Variants in CACNA2D3 observed in about 807,000 individuals in gnomAD.
CACNA2D3 encodes the protein calcium voltage-gated channel auxiliary subunit alpha2delta 3.
In CACNA2D3, 60 loss-of-function variants were observed where a neutral mutation model predicts 160.6. That is an observed-to-expected ratio of 0.37 (90% CI 0.30 to 0.46). The LOEUF (loss-of-function observed/expected upper bound fraction) is 0.46. Among genes scored for constraint, CACNA2D3 ranks in the 20% least tolerant of loss-of-function variants. CACNA2D3 has a pLI of 1.00. For missense variants in CACNA2D3, 1,205 were observed against 1,365.0 expected (o/e 0.88, Z 1.85); for synonymous variants, 558 against 492.9 (o/e 1.13, Z -1.75).
At chr3:54,892,239 G>A (rs970940255) in intron 25 of CACNA2D3, among the ~76,000 whole-genome samples, 11 of 151,968 alleles carry the variant, frequency 7.2e-5, no homozygotes, top group African/African-American at 2.7e-4. Flanking sequence ...AGAGTGGTTT[G>A]CAAGTGTGTG....
At chr3:54,614,362 A>G (rs947579705) in intron 9 of CACNA2D3, among the ~76,000 whole-genome samples, 1 of 152,152 alleles carries the variant, frequency 6.6e-6, no homozygotes, top group Admixed American at 6.5e-5. Context: ...TATTTCATCA[A>G]ATTGTTCTAA....
At chr3:54,431,509 G>A (rs1007879090) in intron 4 of CACNA2D3, among the ~76,000 whole-genome samples, 8 of 152,138 alleles carry the variant, frequency 5.3e-5, no homozygotes, top group African/African-American at 1.9e-4. Flanking sequence ...GGCAGAGGTG[G>A]AAGAAAATCC....
At chr3:54,265,112 G>A (rs1377310538) in intron 2 of CACNA2D3, among the ~76,000 whole-genome samples, 1 of 152,176 alleles carries the variant, frequency 6.6e-6, no homozygotes, top group Admixed American at 6.5e-5. Flanking sequence ...CAATGGGATT[G>A]CTGGGTCAAA....
At chr3:55,005,648 C>T (rs892674705) in intron 32 of CACNA2D3, among the ~76,000 whole-genome samples, 1 of 152,090 alleles carries the variant, frequency 6.6e-6, no homozygotes, top group African/African-American at 2.4e-5. Flanking sequence ...AGCTATTGTA[C>T]CATTAGAAAC....
At chr3:54,652,431 A>G (rs540254722) in intron 11 of CACNA2D3, among the ~76,000 whole-genome samples, 2 of 152,332 alleles carry the variant, frequency 1.3e-5, no homozygotes, top group East Asian at 3.9e-4. Flanking sequence ...TCATTTAATC[A>G]TAAGTCTTCT....
At chr3:54,360,536 C>T (rs929127101) in intron 3 of CACNA2D3, among the ~76,000 whole-genome samples, 2 of 152,092 alleles carry the variant, frequency 1.3e-5, no homozygotes, top group African/African-American at 4.8e-5. Flanking sequence ...TATCGAGAGG[C>T]CACCTTGTCC....
chr3:54,490,711 G>C (rs1701095680), intron 4 of CACNA2D3, among the ~76,000 whole-genome samples: 1 of 152,198 alleles, frequency 6.6e-6, no homozygotes, highest in Non-Finnish European at 1.5e-5. Flanking sequence ...GTGGCTACCT[G>C]TCCTTTGAGG....
intron 2 of CACNA2D3, among the ~76,000 whole-genome samples, chr3:54,311,492 C>T (rs1703742395): frequency 6.6e-6 from 1 of 152,184 alleles, no homozygotes; most frequent in African/African-American, 2.4e-5. Context: ...ATTTTACATC[C>T]CGTGATCCTC....
intron 11 of CACNA2D3, among the ~76,000 whole-genome samples, chr3:54,663,537 G>T (rs953449069): frequency 6.6e-6 from 1 of 152,194 alleles, no homozygotes; most frequent in Non-Finnish European, 1.5e-5. Context: ...GTCTGGAATT[G>T]ATCCCAGATA....
At chr3:54,419,001 A>C (rs1429931898) in intron 4 of CACNA2D3, among the ~76,000 whole-genome samples, 1 of 152,364 alleles carries the variant, frequency 6.6e-6, no homozygotes, top group South Asian at 2.1e-4. Context: ...TCTGGCACTC[A>C]GTAACTATTT....
At chr3:54,974,966 G>C (rs1163313223) in intron 29 of CACNA2D3, among the ~76,000 whole-genome samples, 1 of 152,154 alleles carries the variant, frequency 6.6e-6, no homozygotes, top group Non-Finnish European at 1.5e-5. Context: ...ATATGGAGAA[G>C]GGAATTGAAT....
chr3:54,896,703 A>G (rs1700197697), intron 25 of CACNA2D3, 46 bp from the exon 26 acceptor site: 2 of 1,613,356 alleles, frequency 1.2e-6, no homozygotes, highest in Non-Finnish European at 8.5e-7. Context: ...GCCCACCTTT[A>G]CTCTGCTGAG....
At chr3:54,905,639 C>T (rs1028440276) in intron 27 of CACNA2D3, among the ~76,000 whole-genome samples, 19 of 152,108 alleles carry the variant, frequency 1.2e-4, no homozygotes, top group Admixed American at 3.9e-4. Flanking sequence ...CACCAGGGGA[C>T]ATTTGGCACC....
chr3:55,062,083 C>CT (rs1204770360), intron 35 of CACNA2D3, among the ~76,000 whole-genome samples: 1 of 152,086 alleles, frequency 6.6e-6, no homozygotes, highest in African/African-American at 2.4e-5. Context: ...TGCCAAAGAG[C>CT]TTGTGCTACT....
intron 2 of CACNA2D3, among the ~76,000 whole-genome samples, chr3:54,198,627 G>C (rs1386855658): frequency 1.3e-5 from 2 of 152,250 alleles, no homozygotes; most frequent in African/African-American, 4.8e-5. Flanking sequence ...AGCCTCGTGT[G>C]GAATTGTTTA....
At position 54,687,140 on chromosome 3, in the gene CACNA2D3, T is replaced by TTTTTTTG. The variant is rs1700475186; in HGVS notation, c.1167+44905_1167+44906insGTTTTTT. The stretch of plus-strand genomic sequence containing the variant: ...CTTTTTCTTTTTTTTTTTTTGTTTT[T>TTTTTTTG]TTTTTTTTTTGTTTTTTTGACACTG... On this transcript the variant is annotated intron_variant, in intron 11 of 37. Coordinates refer to ENST00000474759, the MANE Select transcript of CACNA2D3 (RefSeq NM_018398.3). Among the ~76,000 whole-genome samples the TTTTTTTG allele has an allele frequency of 1.4e-4, 10 of 69,666 alleles. 2 individuals carry two copies. Among genetic ancestry groups the TTTTTTTG allele is most frequent in the Admixed American group, 7.0e-4 (6 of 8,614 alleles). The allele number at this position is 69,666 out of a possible 152,430, so 45.7% of individuals were successfully genotyped here. A position where few individuals can be genotyped will look rare whatever the true frequency, so the allele number is the denominator to read the frequency against.
intron 11 of CACNA2D3, among the ~76,000 whole-genome samples, chr3:54,719,883 T>G (rs1241056647): frequency 6.6e-6 from 1 of 152,060 alleles, no homozygotes; most frequent in Non-Finnish European, 1.5e-5. Context: ...AGTTGTGCTT[T>G]TTGAGGAATG....
rs141279003 is a variant in CACNA2D3, at chr3:54,732,887, C to G, written c.1168-19712C>G. Among the ~76,000 whole-genome samples the G allele has an allele frequency of 3.2e-3, 485 of 152,318 alleles. 2 individuals are homozygous for G. Among genetic ancestry groups the G allele is most frequent in the African/African-American group, 0.011 (445 of 41,564 alleles). ...ATTCTGATGAAGATTTATGAAATGT[C>G]AAAAATTAACAAATCTAAAATCTAG... is the stretch of plus-strand genomic sequence containing the variant. On this transcript the variant is annotated intron_variant, in intron 11 of 37. Coordinates refer to ENST00000474759, the MANE Select transcript of CACNA2D3 (RefSeq NM_018398.3).
At chr3:54,579,033 C>G (rs949625042) in intron 8 of CACNA2D3, among the ~76,000 whole-genome samples, 2 of 152,140 alleles carry the variant, frequency 1.3e-5, no homozygotes, top group African/African-American at 4.8e-5. Flanking sequence ...GACTTGGACC[C>G]AAGTGACCTG....
Sources: gnomAD v4.1 joint callset for allele counts (sites outside exome capture counted in the v4.1 genomes callset) on GRCh38, gnomAD v4.1.1 for gene constraint, MANE v1.5 for transcripts, NCBI Gene and HGNC (gene_info 2026-07-23, HGNC 2026-07-21) for gene names.